The following INTS8 variants were observed in gnomAD, a reference collection of about 807,000 sequenced individuals.
INTS8 encodes integrator complex subunit 8.
INTS8 carries 47 observed loss-of-function variants against 138.9 expected under a neutral mutation model. The observed-to-expected ratio is 0.34, with a 90% CI of 0.27 to 0.43. The LOEUF (loss-of-function observed/expected upper bound fraction) is 0.43, where lower values mean the gene tolerates loss of function less well. Ranked by LOEUF, INTS8 falls within the 20% of genes least tolerant of loss-of-function variation. INTS8 has a pLI of 1.00. For synonymous variants in INTS8, 392 were observed against 400.9 expected (o/e 0.98, Z 0.27); for missense variants, 996 against 1,173.0 (o/e 0.85, Z 2.20).
At chr8:94,875,672 G>A (rs1021741869) in intron 23 of INTS8, among the ~76,000 whole-genome samples, 1 of 152,146 alleles carries the variant, frequency 6.6e-6, no homozygotes, top group Non-Finnish European at 1.5e-5. Context: ...TATGACCTGA[G>A]TGAAATGTTT....
At chr8:94,834,041 G>C (rs1436619447) in intron 6 of INTS8, among the ~76,000 whole-genome samples, 1 of 152,088 alleles carries the variant, frequency 6.6e-6, no homozygotes, top group Non-Finnish European at 1.5e-5. Context: ...CAAAGTGCTG[G>C]GATTACCGGT....
chr8:94,868,411 G>A lies in INTS8; in HGVS notation c.2414+1074G>A, dbSNP rs552571667. Reference sequence around the variant, plus strand: ...GAATAATAGTAAAGAATTTGTTTCCGTCTCAATCTTAGAGATTGGAAAAGC... The same window carrying A: ...GAATAATAGTAAAGAATTTGTTTCCATCTCAATCTTAGAGATTGGAAAAGC... On this transcript the variant is annotated intron_variant, in intron 20 of 26. Transcript: ENST00000523731. 7.9e-5 allele frequency among the ~76,000 whole-genome samples: 12 copies of A among 152,220 alleles called. No individual in the cohort carries two copies. The East Asian group carries it at 9.7e-4, about 12-fold the overall frequency.
rs1816782968 is a variant in INTS8, at chr8:94,880,858, G to T, written c.*624G>T. The T allele has an allele frequency of 7.5e-6, 3 of 398,640 alleles. No individual in the cohort carries two copies. The highest frequency in any genetic ancestry group is 1.3e-5 in the Non-Finnish European group (3 of 225,870). 24.7% of individuals were successfully genotyped at this position (398,640 alleles called of 1,614,324 possible). ...GGTACTTAAGTTTTTCACCCAAATTGTGATATACAAAAAGGTTATTACCAA... is the reference window on the plus strand; with the variant it reads ...GGTACTTAAGTTTTTCACCCAAATTTTGATATACAAAAAGGTTATTACCAA... On this transcript the variant is annotated 3_prime_UTR_variant, in exon 27 of 27. Coordinates refer to ENST00000523731, the MANE Select transcript of INTS8 (RefSeq NM_017864.4).
intron 16 of INTS8, among the ~76,000 whole-genome samples, chr8:94,861,980 G>T (rs143773045): frequency 6.6e-6 from 1 of 151,488 alleles, no homozygotes; most frequent in African/African-American, 2.4e-5. Flanking sequence ...CCCCTCTGTC[G>T]CCCAGGCTGG....
chr8:94,836,510 C>T lies in INTS8; in HGVS notation c.754-14C>T, dbSNP rs754297953. On this transcript the variant is annotated splice_polypyrimidine_tract_variant and intron_variant, in intron 6 of 26. Coordinates refer to ENST00000523731, the MANE Select transcript of INTS8 (RefSeq NM_017864.4). ...AGAAATTGTTAAGCAAATTGGTGTT[C>T]ATTATTATTTCAGGTGTGCTATGAT... 5.6e-6 allele frequency: 9 copies of T among 1,595,746 alleles called. 1 individual carries two copies. The highest frequency in any genetic ancestry group is 2.2e-5 in the South Asian group (2 of 89,934).
intron 1 of INTS8, 127 bp downstream of exon 1, chr8:94,823,688 T>C (rs972366406): frequency 1.4e-6 from 1 of 722,804 alleles, no homozygotes; most frequent in African/African-American, 1.9e-5. Context: ...GGAGCCCAGC[T>C]CCGGCCGGGC....
chr8:94,875,936 A>T (rs1816550393), intron 23 of INTS8, 138 bp from the exon 24 acceptor site: 1 of 662,660 alleles, frequency 1.5e-6, no homozygotes, highest in South Asian at 1.9e-5. Flanking sequence ...AGGTTTTTGA[A>T]ATTAAAATTG....
intron 16 of INTS8, among the ~76,000 whole-genome samples, chr8:94,863,597 A>G (rs1392038050): frequency 6.6e-6 from 1 of 152,240 alleles, no homozygotes; most frequent in East Asian, 1.9e-4. Context: ...GCTTCAGGGC[A>G]GTTAATTTTT....
rs774925457 is a variant in INTS8 at position 94,865,490 on chromosome 8, G to A, written c.2077-16G>A. ...TTACAGATTATCTTTTGTGTATTTTGTTTTTCATGTTATAGCTTGGACAGC... is the reference window on the plus strand; with the variant it reads ...TTACAGATTATCTTTTGTGTATTTTATTTTTCATGTTATAGCTTGGACAGC... On this transcript the variant is annotated splice_polypyrimidine_tract_variant and intron_variant, in intron 16 of 26. Transcript: ENST00000523731. 1.9e-6 allele frequency: 3 copies of A among 1,603,966 alleles called. No individual in the cohort carries two copies. The highest frequency in any genetic ancestry group is 2.6e-6 in the Non-Finnish European group (3 of 1,173,106).
intron 4 of INTS8, 149 bp downstream of exon 4, chr8:94,827,942 G>T: frequency 1.4e-6 from 1 of 690,284 alleles, no homozygotes. Context: ...GAAGGAGTTA[G>T]AGGGGCTGGA....
At chr8:94,871,257 A>G (rs1434938711) in intron 20 of INTS8, among the ~76,000 whole-genome samples, 1 of 151,726 alleles carries the variant, frequency 6.6e-6, no homozygotes, top group Non-Finnish European at 1.5e-5. Context: ...GGCTGAGGCC[A>G]GGAGTTTGAG....
intron 22 of INTS8, among the ~76,000 whole-genome samples, 180 bp from the exon 23 acceptor site, chr8:94,874,372 G>T (rs763433064): frequency 2.0e-5 from 3 of 151,836 alleles, no homozygotes; most frequent in Admixed American, 2.0e-4. Flanking sequence ...TAGATTTTTG[G>T]TTTATTTTTT....
intron 2 of INTS8, among the ~76,000 whole-genome samples, chr8:94,825,700 TTAAA>T (rs1814473167): frequency 6.6e-6 from 1 of 152,172 alleles, no homozygotes; most frequent in Admixed American, 6.5e-5. Context: ...GCTTATTTGC[TTAAA>T]TATAAATAAT....
rs185335383 is a variant in INTS8, at chr8:94,876,639, A to G, written c.2871+150A>G. 1.9e-3 allele frequency: 1,000 copies of G among 539,520 alleles called. 6 individuals carry two copies. Among genetic ancestry groups the G allele is most frequent in the Middle Eastern group, 7.1e-3 (23 of 3,244 alleles). The allele number at this position is 539,520 out of a possible 1,614,324, so 33.4% of individuals were successfully genotyped here. ...TTACTTTATAAAAGATCCTTTTTTGATAATTTTAACTGTTCCATGTCATTA... is the reference window on the plus strand; with the variant it reads ...TTACTTTATAAAAGATCCTTTTTTGGTAATTTTAACTGTTCCATGTCATTA... On this transcript the variant is annotated intron_variant, in intron 26 of 26. Transcript: ENST00000523731.
intron 21 of INTS8, 144 bp downstream of exon 21, chr8:94,872,146 T>C: frequency 3.5e-6 from 2 of 563,394 alleles, no homozygotes; most frequent in Non-Finnish European, 6.3e-6. Context: ...TAAAAGTATT[T>C]GTACTTTTTT....
At position 94,849,463 on chromosome 8, in the gene INTS8, T is replaced by C; in HGVS notation, c.1262T>C (p.Val421Ala). ...AATGAAAATTACTCAAATTCCTAGG[T>C]ATGTTCAAGATCAGTAAATTTAGAA... ...NKEKIDFLLE[V>A]CSRSVNLEKA... The change falls in exon 11 of 27, where the codon GTA (valine) becomes GCA (alanine). Residue 421 changes from valine (V) to alanine (A), a missense_variant and splice_region_variant. Val to Ala is a moderately conservative substitution (Grantham distance 64, BLOSUM62 0). Transcript: ENST00000523731. 1 of 1,475,532 alleles carries C rather than the reference T, an allele frequency of 6.8e-7. No homozygotes were observed. Among genetic ancestry groups the C allele is most frequent in the Non-Finnish European group, 9.3e-7 (1 of 1,076,076 alleles). 91.4% of individuals were successfully genotyped at this position (1,475,532 alleles called of 1,614,324 possible).
intron 18 of INTS8, chr8:94,866,903 A>G: frequency 2.3e-6 from 1 of 436,388 alleles, no homozygotes; most frequent in Non-Finnish European, 4.1e-6. Context: ...TGGAGATAGC[A>G]CCATAAGCCA....
chr8:94,824,718 T>A (rs1198940260), intron 1 of INTS8, among the ~76,000 whole-genome samples, 175 bp from the exon 2 acceptor site: 1 of 149,662 alleles, frequency 6.7e-6, no homozygotes, highest in Non-Finnish European at 1.5e-5. Flanking sequence ...CTTACATACG[T>A]ATTCCTTAGT....
intron 1 of INTS8, among the ~76,000 whole-genome samples, chr8:94,823,818 C>T (rs1264853587): frequency 6.6e-6 from 1 of 152,198 alleles, no homozygotes; most frequent in African/African-American, 2.4e-5. Flanking sequence ...GTCCTTTTTA[C>T]GATTTACCTT....
Sources: allele counts gnomAD v4.1 joint callset (sites outside exome capture counted in the v4.1 genomes callset), GRCh38; gene constraint gnomAD v4.1.1; transcripts MANE v1.5; gene names NCBI Gene and HGNC (gene_info 2026-07-23, HGNC 2026-07-21).